Variants in ALMS1 observed in about 807,000 individuals in gnomAD.
ALMS1 encodes centrosome-associated protein ALMS1.
In ALMS1, 271 loss-of-function variants were observed where a neutral mutation model predicts 352.2. The ratio of observed to expected loss-of-function variants is 0.77; its 90% CI spans 0.70 to 0.85. ALMS1 has a LOEUF of 0.85. ALMS1 is among the 40% of genes least tolerant of loss of function. The pLI is 0.00. For synonymous variants in ALMS1, 1,865 were observed against 1,761.2 expected (o/e 1.06, Z -1.48); for missense variants, 5,445 against 4,870.7 (o/e 1.12, Z -3.51).
intron 1 of ALMS1, among the ~76,000 whole-genome samples, chr2:73,395,278 T>C (rs2103642254): frequency 6.6e-6 from 1 of 151,020 alleles, no homozygotes; most frequent in South Asian, 2.1e-4. Flanking sequence ...TGGGGTTTTG[T>C]CATGTTGCCT....
intron 10 of ALMS1, among the ~76,000 whole-genome samples, chr2:73,492,030 A>G (rs1352703986): frequency 6.6e-6 from 1 of 152,202 alleles, no homozygotes; most frequent in Non-Finnish European, 1.5e-5. Context: ...CCAGTAAAAC[A>G]TCTGTCAACA....
chr2:73,386,058 C>T lies in ALMS1; in HGVS notation c.190C>T (p.His64Tyr). The change falls in exon 1 of 23, where the codon CAT becomes TAT. Residue 64 changes from histidine (H) to tyrosine (Y), a missense_variant. Transcript: ENST00000613296. ...CTCCGACTCTCACTACGGGCCCCAG[C>T]ATCTGGAAAGTATAGACGACGAGGA... Reference protein sequence around the residue: ...LDSDSHYGPQHLESIDDEEDE... With the variant: ...LDSDSHYGPQYLESIDDEEDE... The T allele has an allele frequency of 6.3e-7, 1 of 1,588,916 alleles. No individual in the cohort carries two copies. Among genetic ancestry groups the T allele is most frequent in the Non-Finnish European group, 8.6e-7 (1 of 1,168,272 alleles).
rs542030622 is a variant in ALMS1, at chr2:73,510,803, G to A, written c.9540-8972G>A. Among the ~76,000 whole-genome samples, 53 of 152,328 alleles carry A rather than the reference G, an allele frequency of 3.5e-4. No individual in the cohort carries two copies. In the South Asian group the frequency reaches 3.7e-3, roughly 11 times the overall value. On this transcript the variant is annotated intron_variant, in intron 10 of 22. Transcript: ENST00000613296. ...GGCAGGAACGTTTAAGTCTGCTGAA[G>A]CTGTGCCCACAGCTGCCCCTTCCCC...
At chr2:73,460,169 C>T (rs1330593264) in intron 9 of ALMS1, among the ~76,000 whole-genome samples, 1 of 152,154 alleles carries the variant, frequency 6.6e-6, no homozygotes, top group Non-Finnish European at 1.5e-5. Flanking sequence ...CACTGCTCTT[C>T]ATGCCTGCAA....
chr2:73,471,638 A>G (rs1199669156), intron 9 of ALMS1, among the ~76,000 whole-genome samples: 1 of 151,878 alleles, frequency 6.6e-6, no homozygotes, highest in Non-Finnish European at 1.5e-5. Context: ...AATCATCAGG[A>G]AAATGCAAAT....
intron 16 of ALMS1, among the ~76,000 whole-genome samples, chr2:73,587,041 G>A (rs956942871): frequency 6.6e-6 from 1 of 151,934 alleles, no homozygotes; most frequent in Non-Finnish European, 1.5e-5. Flanking sequence ...TGCAGTTGTT[G>A]TAAAAGGGAT....
intron 7 of ALMS1, among the ~76,000 whole-genome samples, chr2:73,434,096 C>G (rs757659416): frequency 6.6e-6 from 1 of 151,126 alleles, no homozygotes; most frequent in African/African-American, 2.4e-5. Flanking sequence ...TTTTTCTTTT[C>G]TGATTTTTGT....
chr2:73,573,197 G>A lies in ALMS1; in HGVS notation c.11320G>A (p.Ala3774Thr), dbSNP rs775934106. The A allele has an allele frequency of 1.2e-6, 2 of 1,612,408 alleles. No homozygotes were observed. Among genetic ancestry groups the A allele is most frequent in the East Asian group, 2.2e-5 (1 of 44,844 alleles). The change falls in exon 16 of 23, where the codon GCT becomes ACT. Residue 3774 changes from alanine to threonine, a missense_variant. By Grantham distance (58) the Ala-to-Thr change is moderately conservative. Transcript: ENST00000613296. Reference protein sequence around the residue: ...DILTQTDREVALHERSSSVST... With the variant: ...DILTQTDREVTLHERSSSVST... ...ATTGACCCAAACAGATAGAGAGGTG[G>A]CTCTGCACGAAAGGAGTAGCTCTGT...
chr2:73,596,443 A>C (rs1286563706), intron 16 of ALMS1, among the ~76,000 whole-genome samples: 1 of 146,792 alleles, frequency 6.8e-6, no homozygotes, highest in African/African-American at 2.5e-5. Context: ...TGGAATTTTC[A>C]TTCTGTTCCA....
intron 11 of ALMS1, among the ~76,000 whole-genome samples, chr2:73,529,039 G>GTTTTT (rs34604396): frequency 1.3e-4 from 13 of 99,504 alleles, no homozygotes; most frequent in Non-Finnish European, 1.8e-4. Context: ...CCTCAAAGCA[G>GTTTTT]TTTTTTTTTT....
intron 12 of ALMS1, among the ~76,000 whole-genome samples, chr2:73,535,479 T>C (rs1022526766): frequency 1.3e-5 from 2 of 152,138 alleles, no homozygotes; most frequent in African/African-American, 4.8e-5. Flanking sequence ...TGAGATGAGA[T>C]TGGACCCTCT....
Position 73,424,430 on chromosome 2 carries a change from G to T in ALMS1, c.765G>T (p.Arg255Ser). The T allele has an allele frequency of 6.5e-7, 1 of 1,540,828 alleles. No homozygotes were observed. Among genetic ancestry groups the T allele is most frequent in the Non-Finnish European group, 8.7e-7 (1 of 1,144,548 alleles). ...TTTATTTTTAACTATATATTTTCAGGGGAATTCCTGATAAGTCTGAAGATA... is the reference window on the plus strand; with the variant it reads ...TTTATTTTTAACTATATATTTTCAGTGGAATTCCTGATAAGTCTGAAGATA... ...HQSELSFAPL[R>S]GIPDKSEDTE... The change falls in exon 5 of 23, where the codon AGG becomes AGT. Residue 255 changes from arginine to serine, a missense_variant and splice_region_variant. Physicochemically the swap from Arg to Ser is moderately radical, Grantham distance 110 (BLOSUM62 -1). Coordinates refer to ENST00000613296, the MANE Select transcript of ALMS1 (RefSeq NM_001378454.1).
chr2:73,515,700 G>T (rs1054428734), intron 10 of ALMS1, among the ~76,000 whole-genome samples: 2 of 148,866 alleles, frequency 1.3e-5, no homozygotes, highest in African/African-American at 5.0e-5. Flanking sequence ...AATTGTTAAA[G>T]AAAAAAGAAG....
intron 11 of ALMS1, among the ~76,000 whole-genome samples, chr2:73,531,560 C>T (rs1388334669): frequency 6.6e-6 from 1 of 152,182 alleles, no homozygotes; most frequent in Non-Finnish European, 1.5e-5. Context: ...TCCTCTAAGC[C>T]CTCCAGCCTG....
Position 73,481,766 on chromosome 2 carries a change from G to T in ALMS1, c.7675-7868G>T, listed in dbSNP as rs892680204. On this transcript the variant is annotated intron_variant, in intron 9 of 22. Transcript: ENST00000613296. ...CTTTTATTTCCTTGAGTAGTGGTTT[G>T]TAGTTCTCCTTGAAGAGGTCCTTCA... Among the ~76,000 whole-genome samples the T allele has an allele frequency of 4.0e-5, 6 of 151,426 alleles. No homozygotes were observed. The East Asian group carries it at 9.6e-4, about 24-fold the overall frequency.
chr2:73,565,276 G>GA (rs1028571713), intron 15 of ALMS1, among the ~76,000 whole-genome samples: 59 of 150,610 alleles, frequency 3.9e-4, no homozygotes, highest in African/African-American at 1.1e-3. Flanking sequence ...AGAAAGTAAA[G>GA]AAAAAAAAAT....
At chr2:73,440,020 G>A (rs749864041) in intron 7 of ALMS1, among the ~76,000 whole-genome samples, 1 of 151,026 alleles carries the variant, frequency 6.6e-6, no homozygotes, top group Non-Finnish European at 1.5e-5. Flanking sequence ...TCGCTCTGTC[G>A]CCCAGGCTGG....
At chr2:73,562,704 A>G (rs973026815) in intron 15 of ALMS1, among the ~76,000 whole-genome samples, 1 of 152,068 alleles carries the variant, frequency 6.6e-6, no homozygotes, top group African/African-American at 2.4e-5. Context: ...CCTGACCAAC[A>G]TGGAGGATCC....
At chr2:73,404,433 G>A (rs929746328) in intron 1 of ALMS1, among the ~76,000 whole-genome samples, 1 of 150,562 alleles carries the variant, frequency 6.6e-6, no homozygotes, top group Non-Finnish European at 1.5e-5. Context: ...CTTTTATTAT[G>A]TTGAGGTAGT....
Sources: gnomAD v4.1 joint callset for allele counts (sites outside exome capture counted in the v4.1 genomes callset) on GRCh38, gnomAD v4.1.1 for gene constraint, MANE v1.5 for transcripts, NCBI Gene and HGNC (gene_info 2026-07-23, HGNC 2026-07-21) for gene names.